The following FNDC3B variants were observed in gnomAD, a reference collection of about 807,000 sequenced individuals.
The protein encoded by FNDC3B is fibronectin type III domain containing 3B, also known as fibronectin type III domain-containing protein 3B.
Under a neutral mutation model 151.5 loss-of-function variants are expected in FNDC3B, and 12 were observed. The ratio of observed to expected loss-of-function variants is 0.08; its 90% CI spans 0.05 to 0.13. The LOEUF (loss-of-function observed/expected upper bound fraction) is 0.13. Among genes scored for constraint, FNDC3B ranks in the 10% least tolerant of loss-of-function variants. FNDC3B has a pLI of 1.00. For synonymous variants in FNDC3B, 528 were observed against 549.0 expected, an observed-to-expected ratio of 0.96 and a Z score of 0.54; for missense variants, 1,214 against 1,505.3, an observed-to-expected ratio of 0.81 and a Z score of 3.20.
chr3:172,097,373 A>T (rs1234335841), intron 1 of FNDC3B, among the ~76,000 whole-genome samples: 3 of 152,236 alleles, frequency 2.0e-5, no homozygotes, highest in African/African-American at 7.2e-5. Flanking sequence ...TCCCACAGCC[A>T]GAGTAGAATG....
At chr3:172,118,840 G>A (rs539012656) in intron 2 of FNDC3B, among the ~76,000 whole-genome samples, 6 of 152,194 alleles carry the variant, frequency 3.9e-5, no homozygotes, top group South Asian at 2.1e-4. Context: ...TCAAGATACC[G>A]TCAGCCTCTC....
At chr3:172,381,359 T>C (rs1013453758) in intron 25 of FNDC3B, among the ~76,000 whole-genome samples, 3 of 152,236 alleles carry the variant, frequency 2.0e-5, no homozygotes, top group African/African-American at 7.2e-5. Flanking sequence ...GTATTTGACA[T>C]TGATGGTGAG....
In FNDC3B at chr3:172,344,323, A is replaced by T. The variant is rs532497109; in HGVS notation, c.2250+65A>T. The T allele has an allele frequency of 4.1e-6, 6 of 1,454,774 alleles. No individual in the cohort carries two copies. In the African/African-American group the frequency reaches 4.3e-5, roughly 10 times the overall value. 90.1% of individuals were successfully genotyped at this position (1,454,774 alleles called of 1,614,324 possible). The stretch of plus-strand genomic sequence containing the variant: ...CATAATCAGAACCCAAAGTGCTAGC[A>T]CTTCTGTCTCTAGCCTCCTGAAATT... On this transcript the variant is annotated intron_variant, in intron 19 of 25. Coordinates refer to ENST00000415807, the MANE Select transcript of FNDC3B (RefSeq NM_022763.4).
intron 3 of FNDC3B, among the ~76,000 whole-genome samples, chr3:172,156,162 T>G (rs943876019): frequency 1.3e-5 from 2 of 152,216 alleles, no homozygotes; most frequent in Non-Finnish European, 2.9e-5. Context: ...AAATGAAACT[T>G]CAGAGCCCTC....
chr3:172,132,607 A>C (rs1721160969), intron 2 of FNDC3B, among the ~76,000 whole-genome samples: 2 of 152,120 alleles, frequency 1.3e-5, no homozygotes, highest in African/African-American at 4.8e-5. Context: ...GGTTTCACCC[A>C]GGTTGGTCTT....
At chr3:172,250,326 A>T (rs151040136) in intron 5 of FNDC3B, among the ~76,000 whole-genome samples, 4 of 152,316 alleles carry the variant, frequency 2.6e-5, no homozygotes, top group African/African-American at 9.6e-5. Flanking sequence ...CAGATTTCAG[A>T]GATGGCTTTT....
At chr3:172,104,636 G>A (rs1243492634) in intron 1 of FNDC3B, among the ~76,000 whole-genome samples, 1 of 152,100 alleles carries the variant, frequency 6.6e-6, no homozygotes, top group African/African-American at 2.4e-5. Flanking sequence ...TCATAATGGC[G>A]ACATGCTAAT....
chr3:172,190,678 G>GT lies in FNDC3B; in HGVS notation c.188-36186dup, dbSNP rs569990218. 3.1e-3 allele frequency among the ~76,000 whole-genome samples: 461 copies of GT among 148,634 alleles called. 5 individuals are homozygous for GT. Among genetic ancestry groups the GT allele is most frequent in the African/African-American group, 0.011 (439 of 38,206 alleles). ...GTCTTTTTTTGTTTTGTTTTGTTTTGTTTTTTTGAGATGGAGTTTTGCTCT... is the reference window on the plus strand; with the variant it reads ...GTCTTTTTTTGTTTTGTTTTGTTTTGTTTTTTTTGAGATGGAGTTTTGCTCT... On this transcript the variant is annotated intron_variant, in intron 3 of 25. Transcript: ENST00000415807.
At chr3:172,053,921 T>G (rs1456246556) in intron 1 of FNDC3B, among the ~76,000 whole-genome samples, 1 of 152,114 alleles carries the variant, frequency 6.6e-6, no homozygotes, top group Admixed American at 6.5e-5. Context: ...TCATAGAAAG[T>G]AATGTATAAG....
At chr3:172,337,820 C>A (rs527560666) in intron 16 of FNDC3B, 2 of 205,184 alleles carry the variant, frequency 9.7e-6, no homozygotes, top group Non-Finnish European at 2.0e-5. Context: ...AGGAAGAATA[C>A]ATTTTTCATA....
chr3:172,263,593 T>TG (rs1484495397), intron 6 of FNDC3B, among the ~76,000 whole-genome samples: 1 of 104,774 alleles, frequency 9.5e-6, no homozygotes, highest in Non-Finnish European at 2.5e-5. Flanking sequence ...AGTGTTTTTT[T>TG]TTTTTTTTTT....
chr3:172,304,298 T>C (rs1731082304), intron 9 of FNDC3B, among the ~76,000 whole-genome samples: 3 of 152,228 alleles, frequency 2.0e-5, no homozygotes, highest in Non-Finnish European at 4.4e-5. Context: ...CCTTCCTCCC[T>C]CTGCTCTATT....
At chr3:172,361,146 G>T (rs62283223) in intron 22 of FNDC3B, among the ~76,000 whole-genome samples, 2,640 of 152,118 alleles carry the variant, frequency 0.017, 38 homozygotes, top group Non-Finnish European at 0.024. Flanking sequence ...GCCCTTTAAG[G>T]GCTTTTCCCC....
intron 22 of FNDC3B, among the ~76,000 whole-genome samples, chr3:172,358,962 GGTGGT>G (rs1734227351): frequency 5.5e-5 from 2 of 36,678 alleles, no homozygotes; most frequent in South Asian, 1.4e-3. Context: ...TCTTGGTGGT[GGTGGT>G]GGTGGTGGTG....
chr3:172,053,776 C>CAA lies in FNDC3B; in HGVS notation c.-29+14024_-29+14025dup, dbSNP rs562005467. ...TAGGTGACAGGGCGAAACTCCGTCT[C>CAA]AAAAAAAAAAAAAAAAAAAATCTTC... On this transcript the variant is annotated intron_variant, in intron 1 of 25. Transcript: ENST00000415807. Among the ~76,000 whole-genome samples the CAA allele has an allele frequency of 6.3e-3, 714 of 113,304 alleles. 3 individuals carry two copies. The highest frequency in any genetic ancestry group is 0.024 in the African/African-American group (674 of 28,160). 74.3% of individuals were successfully genotyped at this position (113,304 alleles called of 152,430 possible). A position where few individuals can be genotyped will look rare whatever the true frequency, so the allele number is the denominator to read the frequency against.
chr3:172,368,291 A>G (rs1252102588), intron 23 of FNDC3B, among the ~76,000 whole-genome samples: 2 of 132,966 alleles, frequency 1.5e-5, no homozygotes, highest in African/African-American at 5.5e-5. Context: ...AAAAAAAAAA[A>G]GTCTGGAATA....
At chr3:172,345,634 AT>A (rs1733575723) in intron 19 of FNDC3B, among the ~76,000 whole-genome samples, 1 of 151,900 alleles carries the variant, frequency 6.6e-6, no homozygotes, top group East Asian at 1.9e-4. Context: ...ACAGTCATAT[AT>A]TTTGTTAGCC....
intron 3 of FNDC3B, chr3:172,148,687 T>G (rs987778341): frequency 6.6e-6 from 1 of 152,230 alleles, no homozygotes; most frequent in African/African-American, 2.4e-5. Context: ...TAAAAAAATC[T>G]ATTTCAAGCG....
intron 19 of FNDC3B, among the ~76,000 whole-genome samples, chr3:172,345,555 A>T (rs535470615): frequency 2.6e-5 from 4 of 152,098 alleles, no homozygotes; most frequent in South Asian, 2.1e-4. Context: ...GCATCTTTGC[A>T]TGTTATGTTG....
Sources: allele counts gnomAD v4.1 joint callset (sites outside exome capture counted in the v4.1 genomes callset), GRCh38; gene constraint gnomAD v4.1.1; transcripts MANE v1.5; gene names NCBI Gene and HGNC (gene_info 2026-07-23, HGNC 2026-07-21).